The following TRPM2 variants were observed in gnomAD, a reference collection of about 807,000 sequenced individuals.
TRPM2 encodes the protein transient receptor potential cation channel subfamily M member 2.
TRPM2 carries 161 observed loss-of-function variants against 174.0 expected under a neutral mutation model. The observed-to-expected ratio is 0.93, with a 90% confidence interval of 0.81 to 1.05. TRPM2 has a LOEUF of 1.05. TRPM2 is among the 50% of genes least tolerant of loss of function. The pLI, the probability that TRPM2 is intolerant of heterozygous loss-of-function variation, is 0.00. For synonymous variants in TRPM2, 954 were observed against 861.3 expected (o/e 1.11, Z -1.88); for missense variants, 2,057 against 2,038.0 (o/e 1.01, Z -0.18).
At chr21:44,413,137 C>G (rs1214115426) in intron 19 of TRPM2, among the ~76,000 whole-genome samples, 1 of 151,786 alleles carries the variant, frequency 6.6e-6, no homozygotes, top group African/African-American at 2.4e-5. Flanking sequence ...TTTCACTTGT[C>G]GATACATTGC....
rs576159936 is a variant in TRPM2 at position 44,418,006 on chromosome 21, G to A, written c.3226G>A (p.Gly1076Ser). Reference protein sequence around the residue: ...QRHDLIEEYHGRPAAPPPFIL... With the variant: ...QRHDLIEEYHSRPAAPPPFIL... ...CCATGACCTGATCGAGGAGTACCACGGCCGCCCCGCCGCGCCGCCCCCCTT... is the reference window on the plus strand; with the variant it reads ...CCATGACCTGATCGAGGAGTACCACAGCCGCCCCGCCGCGCCGCCCCCCTT... Residue 1076 changes from glycine to serine, a missense_variant, in exon 21 of 32, where the codon GGC becomes AGC. Gly to Ser is a moderately conservative substitution (Grantham distance 56). Transcript: ENST00000397928. The A allele has an allele frequency of 1.5e-5, 25 of 1,612,922 alleles. No individual in the cohort carries two copies. The highest frequency in any genetic ancestry group is 1.6e-4 in the Middle Eastern group (1 of 6,062).
At chr21:44,379,686 A>G (rs553480558) in intron 8 of TRPM2, among the ~76,000 whole-genome samples, 1 of 152,088 alleles carries the variant, frequency 6.6e-6, no homozygotes, top group Non-Finnish European at 1.5e-5. Flanking sequence ...CCCTGCCATG[A>G]CCCCAGCCTC....
At chr21:44,377,564 AG>A in intron 6 of TRPM2, 147 bp from the exon 7 acceptor site, 2 of 1,064,352 alleles carry the variant, frequency 1.9e-6, no homozygotes, top group Non-Finnish European at 2.8e-6. Context: ...TGGAGCCAGC[AG>A]GGGGCAGGGG....
Position 44,354,873 on chromosome 21 carries a change from A to G in TRPM2, c.254+137A>G. ...ACCTCTGTCTCCATACGAGGCTTAG[A>G]GTCCACAGAGCATTTCCACCTAACC... On this transcript the variant is annotated intron_variant, in intron 2 of 31. Coordinates refer to ENST00000397928, the MANE Select transcript of TRPM2 (RefSeq NM_003307.4). The surrounding 1 kb of genome is among the most constrained non-coding windows in gnomAD (Gnocchi z 4.3). 1 of 752,774 alleles carries G rather than the reference A, an allele frequency of 1.3e-6. No homozygotes were observed. Among genetic ancestry groups the G allele is most frequent in the Non-Finnish European group, 2.3e-6 (1 of 434,336 alleles). The allele number at this position is 752,774 out of a possible 1,614,324, so 46.6% of individuals were successfully genotyped here.
At chr21:44,356,973 C>T (rs762396856) in intron 2 of TRPM2, among the ~76,000 whole-genome samples, 7 of 152,188 alleles carry the variant, frequency 4.6e-5, no homozygotes, top group Non-Finnish European at 1.0e-4. Flanking sequence ...GCGAGGATAA[C>T]CAGAGCCCAC....
chr21:44,426,321 C>T (rs377071892), intron 25 of TRPM2, among the ~76,000 whole-genome samples: 21 of 152,312 alleles, frequency 1.4e-4, no homozygotes, highest in South Asian at 4.1e-4. Flanking sequence ...CTGCTGCTTC[C>T]GCTGCCTCCC....
intron 15 of TRPM2, among the ~76,000 whole-genome samples, chr21:44,400,912 C>T (rs2049596091): frequency 2.0e-5 from 3 of 152,198 alleles, no homozygotes; most frequent in Admixed American, 6.5e-5. Context: ...CTGTGTTTTA[C>T]TGAGGGCTGG....
intron 28 of TRPM2, among the ~76,000 whole-genome samples, chr21:44,435,667 G>C (rs1244184079): frequency 7.2e-6 from 1 of 138,794 alleles, no homozygotes. Flanking sequence ...ACCCATCCAC[G>C]GGGACAGAGC....
intron 16 of TRPM2, 73 bp from the exon 17 acceptor site, chr21:44,405,069 T>C (rs1364071740): frequency 8.8e-6 from 14 of 1,594,518 alleles, no homozygotes; most frequent in East Asian, 6.7e-5. Context: ...TAGTGGATAG[T>C]GATGTGACAG....
At chr21:44,388,899 C>T (rs535863981) in intron 9 of TRPM2, among the ~76,000 whole-genome samples, 54 of 152,210 alleles carry the variant, frequency 3.5e-4, no homozygotes, top group African/African-American at 1.3e-3. Context: ...CGTATTTTAC[C>T]ACAGTTTAAA....
chr21:44,391,474 C>T lies in TRPM2; in HGVS notation c.1643C>T (p.Ala548Val), dbSNP rs1230976786. 1 of 1,609,580 alleles carries T rather than the reference C, an allele frequency of 6.2e-7. No homozygotes were observed. Among genetic ancestry groups the T allele is most frequent in the Admixed American group, 1.7e-5 (1 of 59,966 alleles). ...CTGGTGGAGGATCCCGAGCGCCCGGCTTGCGCGCCCGCGGCGCCCCGCCTG... is the reference window on the plus strand; with the variant it reads ...CTGGTGGAGGATCCCGAGCGCCCGGTTTGCGCGCCCGCGGCGCCCCGCCTG... ...KVLVEDPERP[A>V]CAPAAPRLQM... Residue 548 changes from alanine (A) to valine (V), a missense_variant, in exon 11 of 32, where the codon GCT becomes GTT. Ala to Val is a moderately conservative substitution (Grantham distance 64, BLOSUM62 0). Coordinates refer to ENST00000397928, the MANE Select transcript of TRPM2 (RefSeq NM_003307.4). The surrounding 1 kb of genome is among the most constrained non-coding windows in gnomAD (Gnocchi z 5.0).
chr21:44,423,511 T>G, intron 22 of TRPM2, 134 bp from the exon 23 acceptor site: 1 of 730,618 alleles, frequency 1.4e-6, no homozygotes, highest in Non-Finnish European at 2.3e-6. Flanking sequence ...TAGAAATAGT[T>G]TCATATTAAG....
At chr21:44,389,866 G>A (rs1172056993) in intron 9 of TRPM2, among the ~76,000 whole-genome samples, 1 of 143,028 alleles carries the variant, frequency 7.0e-6, no homozygotes, top group East Asian at 2.0e-4. Context: ...AGAGCAGGAG[G>A]CTTAAAATTT....
chr21:44,353,066 GA>G (rs2123004232), upstream of TRPM2, among the ~76,000 whole-genome samples: 1 of 152,246 alleles, frequency 6.6e-6, no homozygotes, highest in Non-Finnish European at 1.5e-5. Context: ...TAAGGCAGGA[GA>G]ATCACTTGAA....
chr21:44,379,229 T>G (rs1373955123), intron 8 of TRPM2, 32 bp downstream of exon 8: 15 of 1,604,286 alleles, frequency 9.3e-6, no homozygotes, highest in Non-Finnish European at 1.2e-5. Flanking sequence ...GTCACCAGCA[T>G]GTGGCTGCTT....
chr21:44,352,934 C>T (rs2047950946), upstream of TRPM2, among the ~76,000 whole-genome samples: 3 of 152,234 alleles, frequency 2.0e-5, no homozygotes, highest in Admixed American at 2.0e-4. Flanking sequence ...GCTGGTGGAT[C>T]GCCTGAGGTC....
At position 44,376,499 on chromosome 21, in the gene TRPM2, C is replaced by A. The variant is rs2146195541; in HGVS notation, c.952+486C>A. ...CTGGGCTCAAGGGATCCTCCCATCACCCTCCCAAAGTGCTGGGATTACAAG... is the reference window on the plus strand; with the variant it reads ...CTGGGCTCAAGGGATCCTCCCATCAACCTCCCAAAGTGCTGGGATTACAAG... On this transcript the variant is annotated intron_variant, in intron 6 of 31. Coordinates refer to ENST00000397928, the MANE Select transcript of TRPM2 (RefSeq NM_003307.4). The surrounding 1 kb of genome is among the most constrained non-coding windows in gnomAD (Gnocchi z 4.2). 6.6e-6 allele frequency among the ~76,000 whole-genome samples: 1 copy of A among 152,260 alleles called. No homozygotes were observed. The highest frequency in any genetic ancestry group is 2.4e-5 in the African/African-American group (1 of 41,548).
At position 44,438,382 on chromosome 21, in the gene TRPM2, G is replaced by A. The variant is rs1021658566; in HGVS notation, c.4168-685G>A. 2.6e-5 allele frequency among the ~76,000 whole-genome samples: 4 copies of A among 152,196 alleles called. No individual in the cohort carries two copies. The highest frequency in any genetic ancestry group is 9.6e-5 in the African/African-American group (4 of 41,456). On this transcript the variant is annotated intron_variant, in intron 29 of 31. Transcript: ENST00000397928. The surrounding 1 kb of genome is among the most constrained non-coding windows in gnomAD (Gnocchi z 5.9). ...TGTCAGCTCAGGCTGGTCACTGAGA[G>A]GGGCACTCTGAGGGGCCTCCTGGGT...
chr21:44,405,034 A>T, intron 16 of TRPM2, 108 bp from the exon 17 acceptor site: 2 of 1,434,542 alleles, frequency 1.4e-6, no homozygotes, highest in Non-Finnish European at 1.9e-6. Flanking sequence ...GATAGTGATG[A>T]TAGTGACAGT....
Sources: gnomAD v4.1 joint callset for allele counts (sites outside exome capture counted in the v4.1 genomes callset) on GRCh38, gnomAD v4.1.1 for gene constraint, Gnocchi (gnomAD v3.1) non-coding constraint, MANE v1.5 for transcripts, NCBI Gene and HGNC (gene_info 2026-07-23, HGNC 2026-07-21) for gene names.